The following CHST11 variants were observed in gnomAD, a reference collection of about 807,000 sequenced individuals.
CHST11 encodes the protein carbohydrate sulfotransferase 11.
Under a neutral mutation model 30.4 loss-of-function variants are expected in CHST11, and 9 were observed. The ratio of observed to expected loss-of-function variants is 0.30; its 90% CI spans 0.18 to 0.52. The LOEUF (loss-of-function observed/expected upper bound fraction) is 0.52, where lower values mean the gene tolerates loss of function less well. Among genes scored for constraint, CHST11 ranks in the 20% least tolerant of loss-of-function variants. CHST11 has a pLI of 0.97. For synonymous variants in CHST11, 152 were observed against 187.8 expected (o/e 0.81, Z 1.56); for missense variants, 348 against 460.6 (o/e 0.76, Z 2.24).
At chr12:104,737,307 T>G (rs1179702219) in intron 2 of CHST11, among the ~76,000 whole-genome samples, 4 of 152,192 alleles carry the variant, frequency 2.6e-5, no homozygotes, top group Admixed American at 6.5e-5. Context: ...GCCAAAGACA[T>G]GTACTTCAGA....
intron 2 of CHST11, among the ~76,000 whole-genome samples, chr12:104,715,331 G>C (rs2040122279): frequency 1.3e-5 from 2 of 152,174 alleles, no homozygotes; most frequent in Non-Finnish European, 2.9e-5. Context: ...CCGAGATCAT[G>C]CCACGGCACT....
intron 1 of CHST11, among the ~76,000 whole-genome samples, chr12:104,471,540 T>C (rs1489881409): frequency 4.6e-5 from 7 of 152,140 alleles, no homozygotes. Flanking sequence ...ACAAAGGTAA[T>C]TAAATGTGTC....
intron 1 of CHST11, chr12:104,513,997 G>C (rs918949435): frequency 1.4e-6 from 1 of 717,826 alleles, no homozygotes; most frequent in Non-Finnish European, 2.5e-6. Context: ...CTTAGCAGGG[G>C]CTGCAGGGCA....
chr12:104,628,183 C>T lies in CHST11; in HGVS notation c.204+26192C>T, dbSNP rs74952373. ...ATGTATCTCAGGGCCCCGACATTCG[C>T]CATTAAACCCGAGGTCAGGAGACAG... is the stretch of plus-strand genomic sequence containing the variant. On this transcript the variant is annotated intron_variant, in intron 2 of 2. Coordinates refer to ENST00000303694, the MANE Select transcript of CHST11 (RefSeq NM_018413.6). 5.3e-3 allele frequency among the ~76,000 whole-genome samples: 810 copies of T among 152,272 alleles called. 10 individuals carry two copies. The highest frequency in any genetic ancestry group is 0.019 in the African/African-American group (772 of 41,542).
chr12:104,651,486 C>T (rs995832767), intron 2 of CHST11, among the ~76,000 whole-genome samples: 2 of 152,148 alleles, frequency 1.3e-5, no homozygotes, highest in African/African-American at 4.8e-5. Flanking sequence ...TAAAATATTA[C>T]CTTGGAACCC....
chr12:104,474,341 G>A (rs2037537954), intron 1 of CHST11, among the ~76,000 whole-genome samples: 1 of 152,150 alleles, frequency 6.6e-6, no homozygotes, highest in Admixed American at 6.5e-5. Flanking sequence ...AGCTTTCTTT[G>A]GGAGAGTGTG....
At chr12:104,486,322 T>C (rs1283279797) in intron 1 of CHST11, among the ~76,000 whole-genome samples, 1 of 150,822 alleles carries the variant, frequency 6.6e-6, no homozygotes, top group Admixed American at 6.6e-5. Context: ...TTTTTTTTAA[T>C]GACACAGAAA....
intron 2 of CHST11, among the ~76,000 whole-genome samples, chr12:104,714,784 C>T (rs2040116877): frequency 6.6e-6 from 1 of 152,184 alleles, no homozygotes; most frequent in Admixed American, 6.5e-5. Flanking sequence ...TCTGGGTCCA[C>T]CACCCAGCTC....
intron 2 of CHST11, among the ~76,000 whole-genome samples, chr12:104,722,874 A>AT (rs2040189004): frequency 6.6e-6 from 1 of 152,178 alleles, no homozygotes; most frequent in African/African-American, 2.4e-5. Context: ...CAGAACGCTC[A>AT]TAAGTGTCAC....
At position 104,457,168 on chromosome 12, in the gene CHST11, A is replaced by C. The variant is rs1460399990; in HGVS notation, c.-244A>C. ...AGGCGGCGGAGCGGCGAGGAGGAGG[A>C]GCAGGAGCGCGCAGCCAGCGGGTCC... On this transcript the variant is annotated 5_prime_UTR_variant, in exon 1 of 3. Transcript: ENST00000303694. 4 of 337,772 alleles carry C rather than the reference A, an allele frequency of 1.2e-5. No homozygotes were observed. Among genetic ancestry groups the C allele is most frequent in the Admixed American group, 4.8e-5 (1 of 20,670 alleles). The allele number at this position is 337,772 out of a possible 1,614,324, so 20.9% of individuals were successfully genotyped here.
At chr12:104,696,484 A>AT (rs2039947190) in intron 2 of CHST11, among the ~76,000 whole-genome samples, 1 of 56,996 alleles carries the variant, frequency 1.8e-5, no homozygotes, top group Non-Finnish European at 4.1e-5. Flanking sequence ...TAAAAATACA[A>AT]AAAAAAAAAA....
chr12:104,713,682 TC>T (rs1006374552), intron 2 of CHST11, among the ~76,000 whole-genome samples: 1 of 152,100 alleles, frequency 6.6e-6, no homozygotes, highest in Non-Finnish European at 1.5e-5. Flanking sequence ...CTTGGCTGAC[TC>T]CTGAGGCCAG....
At chr12:104,587,346 G>A (rs2038814838) in intron 1 of CHST11, among the ~76,000 whole-genome samples, 1 of 152,136 alleles carries the variant, frequency 6.6e-6, no homozygotes, top group Non-Finnish European at 1.5e-5. Flanking sequence ...TCTATTTACA[G>A]TTATTTTTGA....
chr12:104,516,811 T>C (rs1003561843), intron 1 of CHST11, among the ~76,000 whole-genome samples: 1 of 151,834 alleles, frequency 6.6e-6, no homozygotes, highest in African/African-American at 2.4e-5. Context: ...AGGGGCACAT[T>C]AGGAGAGCCT....
In CHST11 at chr12:104,544,180, A is replaced by AAGAAAGAAAGAAAGAAAGAAAGAC. The variant is rs1182750741; in HGVS notation, c.119-57723_119-57722insAAGAAAGAAAGAAAGAAAGACAGA. Among the ~76,000 whole-genome samples the AAGAAAGAAAGAAAGAAAGAAAGAC allele has an allele frequency of 2.5e-3, 368 of 148,570 alleles. 6 individuals carry two copies. The highest frequency in any genetic ancestry group is 8.6e-3 in the African/African-American group (341 of 39,668). On this transcript the variant is annotated intron_variant, in intron 1 of 2. Transcript: ENST00000303694. ...AAAGAAAGAAAGAAAGAAAGAAAGA[A>AAGAAAGAAAGAAAGAAAGAAAGAC]AGACCTGAAAAGAACTAATTAACGC...
At chr12:104,586,543 T>C (rs996638467) in intron 1 of CHST11, among the ~76,000 whole-genome samples, 6 of 152,256 alleles carry the variant, frequency 3.9e-5, no homozygotes, top group Non-Finnish European at 8.8e-5. Context: ...TTACCTGGAC[T>C]ATTTCCTTTC....
chr12:104,475,688 A>ATATATTTATT (rs1555226434), intron 1 of CHST11, among the ~76,000 whole-genome samples: 7 of 78,466 alleles, frequency 8.9e-5, no homozygotes, highest in Non-Finnish European at 1.7e-4. Flanking sequence ...ATATATATAT[A>ATATATTTATT]TATTTCTGAT....
intron 1 of CHST11, among the ~76,000 whole-genome samples, chr12:104,485,453 G>A (rs544805484): frequency 1.1e-4 from 16 of 152,322 alleles, no homozygotes; most frequent in African/African-American, 2.9e-4. Flanking sequence ...AGCGGGGCTC[G>A]GAGGAGCTGC....
intron 1 of CHST11, among the ~76,000 whole-genome samples, chr12:104,498,802 T>C (rs1191572027): frequency 6.6e-6 from 1 of 152,212 alleles, no homozygotes; most frequent in African/African-American, 2.4e-5. Flanking sequence ...TAATCGTCTT[T>C]TGCAGCCGAT....
Sources: allele counts gnomAD v4.1 joint callset (sites outside exome capture counted in the v4.1 genomes callset), GRCh38; gene constraint gnomAD v4.1.1; transcripts MANE v1.5; gene names NCBI Gene and HGNC (gene_info 2026-07-23, HGNC 2026-07-21).